NES: variants seen among roughly 807,000 people sequenced by gnomAD.
The protein encoded by NES is nestin.
In NES, 27 loss-of-function variants were observed where a neutral mutation model predicts 35.6. That is an observed-to-expected ratio of 0.76 (90% CI 0.56 to 1.04). The LOEUF is 1.04. Among genes scored for constraint, NES ranks in the 50% least tolerant of loss-of-function variants. NES has a pLI of 0.00. For synonymous variants in NES, 822 were observed against 824.2 expected, an observed-to-expected ratio of 1.00 and a Z score of 0.04; for missense variants, 1,867 against 1,983.6, an observed-to-expected ratio of 0.94 and a Z score of 1.12.
chr1:156,675,902 T>A (rs1480719160), intron 1 of NES, among the ~76,000 whole-genome samples: 1 of 152,176 alleles, frequency 6.6e-6, no homozygotes, highest in Non-Finnish European at 1.5e-5. Context: ...CCATGGCACC[T>A]CTGTGTGGCC....
intron 3 of NES, 54 bp from the exon 4 acceptor site, chr1:156,673,259 G>GAGCCACAGAGC: frequency 7.2e-7 from 1 of 1,396,514 alleles, no homozygotes; most frequent in Non-Finnish European, 9.6e-7. Context: ...GCAATGAGGG[G>GAGCCACAGAGC]AGCCACAGAG....
rs919796046 is a variant in NES at position 156,673,100 on chromosome 1, G to A, written c.1088C>T (p.Thr363Ile). 8.1e-6 allele frequency: 13 copies of A among 1,602,116 alleles called. No individual in the cohort carries two copies. The highest frequency in any genetic ancestry group is 8.5e-6 in the Non-Finnish European group (10 of 1,172,186). ...PTSLPSPLPA[T>I]LETPVPAFLK... is the part of the protein sequence containing the mutation. ...AAAGGCTGGCACAGGTGTCTCAAGG[G>A]TAGCAGGCAAGGGTGAGGGGAGGGA... is the stretch of plus-strand genomic sequence containing the variant. Residue 363 changes from threonine (T) to isoleucine (I), a missense_variant, in exon 4 of 4, where the codon ACC (threonine) becomes ATC (isoleucine). Coordinates refer to ENST00000368223, the MANE Select transcript of NES (RefSeq NM_006617.2).
chr1:156,676,434 C>T lies in NES; in HGVS notation c.783+48G>A. 6.3e-7 allele frequency: 1 copy of T among 1,582,108 alleles called. No homozygotes were observed. Among genetic ancestry groups the T allele is most frequent in the South Asian group, 1.1e-5 (1 of 89,352 alleles). On this transcript the variant is annotated intron_variant, in intron 1 of 3. Transcript: ENST00000368223. This position sits in a 1 kb window ranked among gnomAD's most constrained non-coding sequence, Gnocchi z 5.3. ...GTCTCTGAGCTTCATAAGGGACTTT[C>T]TGGAGCTTTCTGGGACTTTCTCTCA...
intron 2 of NES, 108 bp from the exon 3 acceptor site, chr1:156,673,635 G>C (rs958374729): frequency 5.8e-6 from 4 of 689,192 alleles, no homozygotes; most frequent in Non-Finnish European, 9.8e-6. Flanking sequence ...AGGCCCTGCA[G>C]GCTTCCTCTT....
At position 156,669,787 on chromosome 1, in the gene NES, G is replaced by T. The variant is rs142629280; in HGVS notation, c.4401C>A (p.Val1467=). ...FLESDSVSVS[V]PWDDSLRGAV... is the part of the protein sequence containing the mutation. ...CACCCCTCAAGCTGTCATCCCAGGG[G>T]ACACTGACACTCACAGAATCAGACT... Residue 1467 remains valine (V), a synonymous_variant, in exon 4 of 4, where the codon GTC becomes GTA. Coordinates refer to ENST00000368223, the MANE Select transcript of NES (RefSeq NM_006617.2). The T allele has an allele frequency of 6.2e-7, 1 of 1,613,862 alleles. No individual in the cohort carries two copies. Among genetic ancestry groups the T allele is most frequent in the Non-Finnish European group, 8.5e-7 (1 of 1,179,986 alleles).
Position 156,676,587 on chromosome 1 carries a change from C to T in NES, c.678G>A (p.Gln226=). 1 of 1,581,748 alleles carries T rather than the reference C, an allele frequency of 6.3e-7. No homozygotes were observed. Residue 226 remains glutamine (Q), a synonymous_variant, in exon 1 of 4, where the codon CAG becomes CAA. Coordinates refer to ENST00000368223, the MANE Select transcript of NES (RefSeq NM_006617.2). This position sits in a 1 kb window ranked among gnomAD's most constrained non-coding sequence, Gnocchi z 5.3. ...GGCCTCCGCGCTCAGCCTGGAGCTG[C>T]TGCAGCTCCAGGCGGCCCTCGCGGG... is the stretch of plus-strand genomic sequence containing the variant. ...QGAREGRLEL[Q]QLQAERGGLL...
chr1:156,670,912 C>T lies in NES; in HGVS notation c.3276G>A (p.Glu1092=). Residue 1092 remains glutamate, a synonymous_variant, in exon 4 of 4, where the codon GAG becomes GAA. Transcript: ENST00000368223. ...GGCCTGGCTCAGCTCCCGCAGCAGACTCACCCATGGCAGGCTCTGACCCCA... is the reference window on the plus strand; with the variant it reads ...GGCCTGGCTCAGCTCCCGCAGCAGATTCACCCATGGCAGGCTCTGACCCCA... The part of the protein sequence containing the change: ...VMLGSEPAMG[E]SAAGAEPGPG... 9 of 1,591,596 alleles carry T rather than the reference C, an allele frequency of 5.7e-6. No individual in the cohort carries two copies. Among genetic ancestry groups the T allele is most frequent in the Non-Finnish European group, 7.7e-6 (9 of 1,166,386 alleles).
intron 3 of NES, 59 bp downstream of exon 3, chr1:156,673,395 G>C: frequency 6.7e-7 from 1 of 1,502,346 alleles, no homozygotes; most frequent in South Asian, 1.2e-5. Flanking sequence ...GGAAAGATAG[G>C]TCTGGGTATG....
Position 156,672,010 on chromosome 1 carries a change from T to G in NES, c.2178A>C (p.Glu726Asp). The G allele has an allele frequency of 6.2e-7, 1 of 1,614,058 alleles. No individual in the cohort carries two copies. Among genetic ancestry groups the G allele is most frequent in the Non-Finnish European group, 8.5e-7 (1 of 1,180,024 alleles). Residue 726 changes from glutamate (E) to aspartate (D), a missense_variant, in exon 4 of 4, where the codon GAA becomes GAC. Physicochemically the swap from Glu to Asp is conservative, Grantham distance 45 (BLOSUM62 2). Coordinates refer to ENST00000368223, the MANE Select transcript of NES (RefSeq NM_006617.2). The stretch of plus-strand genomic sequence containing the variant: ...GTCTCACAATACTCTGGTCCTCTTC[T>G]TCTAGAGTCTTCAGTGGCTCCTGGT... Reference protein sequence around the residue: ...KENQEPLKTLEEEDQSIVRPL... With the variant: ...KENQEPLKTLDEEDQSIVRPL...
chr1:156,673,502 G>T lies in NES; in HGVS notation c.934C>A (p.Arg312=). The T allele has an allele frequency of 6.2e-7, 1 of 1,612,858 alleles. No individual in the cohort carries two copies. The highest frequency in any genetic ancestry group is 8.5e-7 in the Non-Finnish European group (1 of 1,179,174). ...GAGCCACCGCCAGGTGTTTGCAGCC[G>T]GGAGTTCTCAGCCTCCAGGAGGGTC... The part of the protein sequence containing the change: ...YRTLLEAENS[R]LQTPGGGSKT... Residue 312 remains arginine, a synonymous_variant, in exon 3 of 4, where the codon CGG becomes AGG. Coordinates refer to ENST00000368223, the MANE Select transcript of NES (RefSeq NM_006617.2).
At position 156,670,231 on chromosome 1, in the gene NES, C is replaced by G; in HGVS notation, c.3957G>C (p.Gln1319His). 1 of 1,613,872 alleles carries G rather than the reference C, an allele frequency of 6.2e-7. No homozygotes were observed. The highest frequency in any genetic ancestry group is 2.2e-5 in the East Asian group (1 of 44,880). The change falls in exon 4 of 4, where the codon CAG (glutamine) becomes CAC (histidine). Residue 1319 changes from glutamine to histidine, a missense_variant. Gln to His is a conservative substitution (Grantham distance 24). Coordinates refer to ENST00000368223, the MANE Select transcript of NES (RefSeq NM_006617.2). ...CAGTCTCCCCTTGAGGGGGTGGCCT[C>G]TGCTCTCCAGTGGGGTCCCACCTGG... Reference protein sequence around the residue: ...TSPRWDPTGEQRPPPQGETGK... With the variant: ...TSPRWDPTGEHRPPPQGETGK...
Position 156,671,994 on chromosome 1 carries a change from T to C in NES, c.2194A>G (p.Ile732Val). 6.2e-7 allele frequency: 1 copy of C among 1,613,990 alleles called. No homozygotes were observed. The highest frequency in any genetic ancestry group is 8.5e-7 in the Non-Finnish European group (1 of 1,179,976). Residue 732 changes from isoleucine to valine, a missense_variant, in exon 4 of 4, where the codon ATT (isoleucine) becomes GTT (valine). Physicochemically the swap from Ile to Val is conservative, Grantham distance 29. Transcript: ENST00000368223. The stretch of plus-strand genomic sequence containing the variant: ...TTCTCTGTTTCTAGAGGTCTCACAA[T>C]ACTCTGGTCCTCTTCTTCTAGAGTC... ...LKTLEEEDQS[I>V]VRPLETENHK... is the part of the protein sequence containing the mutation.
Position 156,673,155 on chromosome 1 carries a change from C to T in NES, c.1033G>A (p.Gly345Arg). 6.5e-7 allele frequency: 1 copy of T among 1,541,414 alleles called. No individual in the cohort carries two copies. Among genetic ancestry groups the T allele is most frequent in the Non-Finnish European group, 8.7e-7 (1 of 1,143,074 alleles). ...GGGCTCAGGACTGGGAGCAAAGATCCAAGACGCCGGCCCTCTGGGGTCCTA... is the reference window on the plus strand; with the variant it reads ...GGGCTCAGGACTGGGAGCAAAGATCTAAGACGCCGGCCCTCTGGGGTCCTA... ...FPRTPEGRRL[G>R]SLLPVLSPTS... The change falls in exon 4 of 4, where the codon GGA becomes AGA. Residue 345 changes from glycine to arginine, a missense_variant. Coordinates refer to ENST00000368223, the MANE Select transcript of NES (RefSeq NM_006617.2).
chr1:156,671,590 T>A lies in NES; in HGVS notation c.2598A>T (p.Glu866Asp), dbSNP rs1238666569. 1 of 1,613,976 alleles carries A rather than the reference T, an allele frequency of 6.2e-7. No homozygotes were observed. The highest frequency in any genetic ancestry group is 1.3e-5 in the African/African-American group (1 of 75,046). The change falls in exon 4 of 4, where the codon GAA becomes GAT. Residue 866 changes from glutamate (E) to aspartate (D), a missense_variant. Transcript: ENST00000368223. ...CCACAGACTCCAGTGGTTCTTGAAT[T>A]TCCTTTTCTAGAGGATTCATTGCCC... ...NQGAMNPLEK[E>D]IQEPLESVEV...
chr1:156,669,153 C>T lies in NES; in HGVS notation c.*169G>A, dbSNP rs1212621778. Reference sequence around the variant, plus strand: ...CTACAGCCTCCATTCTTGGAGTAGGCTCCTTTGCCACACCCCTTTTCACCT... The same window carrying T: ...CTACAGCCTCCATTCTTGGAGTAGGTTCCTTTGCCACACCCCTTTTCACCT... On this transcript the variant is annotated 3_prime_UTR_variant, in exon 4 of 4. Coordinates refer to ENST00000368223, the MANE Select transcript of NES (RefSeq NM_006617.2). 1.6e-5 allele frequency: 8 copies of T among 490,200 alleles called. No individual in the cohort carries two copies. Among genetic ancestry groups the T allele is most frequent in the Non-Finnish European group, 2.5e-5 (7 of 281,374 alleles). The allele number at this position is 490,200 out of a possible 1,614,324, so 30.4% of individuals were successfully genotyped here.
rs3748570 is a variant in NES at position 156,670,364 on chromosome 1, G to A, written c.3824C>T (p.Pro1275Leu). 0.65 allele frequency: 1,050,888 copies of A among 1,607,838 alleles called. 345,128 individuals are homozygous for A. Among genetic ancestry groups the A allele is most frequent in the East Asian group, 0.82 (36,509 of 44,790 alleles). The change falls in exon 4 of 4, where the codon CCC becomes CTC. Residue 1275 changes from proline to leucine, a missense_variant. Physicochemically the swap from Pro to Leu is moderately conservative, Grantham distance 98. Transcript: ENST00000368223. Reference protein sequence around the residue: ...ELGSGEIPEGPQEEGEESREE... With the variant: ...ELGSGEIPEGLQEEGEESREE... Reference sequence around the variant, plus strand: ...TCTGCTCTCCTCCCCTTCCTCCTGGGGGCCCTCGGGGATCTCCCCAGAACC... The same window carrying A: ...TCTGCTCTCCTCCCCTTCCTCCTGGAGGCCCTCGGGGATCTCCCCAGAACC...
At position 156,673,540 on chromosome 1, in the gene NES, G is replaced by T; in HGVS notation, c.909-13C>A. ...CTCCAGGAGGGTCCTGGAGAGGACAGAGGGAAAGTGGGGTCAGCCCTCTGC... is the reference window on the plus strand; with the variant it reads ...CTCCAGGAGGGTCCTGGAGAGGACATAGGGAAAGTGGGGTCAGCCCTCTGC... On this transcript the variant is annotated splice_polypyrimidine_tract_variant and intron_variant, in intron 2 of 3. Coordinates refer to ENST00000368223, the MANE Select transcript of NES (RefSeq NM_006617.2). The T allele has an allele frequency of 3.1e-6, 5 of 1,597,942 alleles. No individual in the cohort carries two copies. Among genetic ancestry groups the T allele is most frequent in the Non-Finnish European group, 4.3e-6 (5 of 1,168,194 alleles).
At position 156,676,851 on chromosome 1, in the gene NES, C is replaced by T. The variant is rs781210376; in HGVS notation, c.414G>A (p.Glu138=). 1.2e-5 allele frequency: 18 copies of T among 1,511,586 alleles called. No homozygotes were observed. The highest frequency in any genetic ancestry group is 1.4e-5 in the African/African-American group (1 of 69,198). 93.6% of individuals were successfully genotyped at this position (1,511,586 alleles called of 1,614,324 possible). A position where few individuals can be genotyped will look rare whatever the true frequency, so the allele number is the denominator to read the frequency against. Residue 138 remains glutamate (E), a synonymous_variant, in exon 1 of 4, where the codon GAG becomes GAA. Coordinates refer to ENST00000368223, the MANE Select transcript of NES (RefSeq NM_006617.2). This position sits in a 1 kb window ranked among gnomAD's most constrained non-coding sequence, Gnocchi z 5.3. ...SQVAELEREL[E]ALRVAHEEER... ...CCTCCTCGTGCGCCACGCGTAGAGC[C>T]TCTAGCTCGCGCTCCAGCTCTGCCA...
chr1:156,673,020 T>TG lies in NES; in HGVS notation c.1167dup (p.Ile390HisfsTer42). ...GAGGGTGCCTGAGGTGTGGGGGGGA[T>TG]GGGGGTGCTGGCCAAGGTAGGGGTA... On this transcript the variant is annotated frameshift_variant, in exon 4 of 4. Coordinates refer to ENST00000368223, the MANE Select transcript of NES (RefSeq NM_006617.2). LOFTEE classifies it low-confidence loss of function (END_TRUNC). 6.2e-7 allele frequency: 1 copy of TG among 1,610,932 alleles called. No individual in the cohort carries two copies. Among genetic ancestry groups the TG allele is most frequent in the Non-Finnish European group, 8.5e-7 (1 of 1,177,876 alleles).
Sources: allele counts gnomAD v4.1 joint callset (sites outside exome capture counted in the v4.1 genomes callset), GRCh38; gene constraint gnomAD v4.1.1; non-coding constraint Gnocchi (gnomAD v3.1); transcripts MANE v1.5; gene names NCBI Gene and HGNC (gene_info 2026-07-23, HGNC 2026-07-21).